ARHGEF10L: variants seen among roughly 807,000 people sequenced by gnomAD.
ARHGEF10L encodes rho guanine nucleotide exchange factor 10-like protein.
Under a neutral mutation model 141.2 loss-of-function variants are expected in ARHGEF10L, and 69 were observed. The observed-to-expected ratio is 0.49, with a 90% confidence interval of 0.40 to 0.60. The LOEUF is 0.60. Among genes scored for constraint, ARHGEF10L ranks in the 20% least tolerant of loss-of-function variants. The probability of loss-of-function intolerance (pLI) is 0.00; values close to 1 mark genes in which losing one functional copy is unlikely to be tolerated. For missense variants in ARHGEF10L, 1,482 were observed against 1,734.3 expected (o/e 0.85, Z 2.58); for synonymous variants, 711 against 718.5 (o/e 0.99, Z 0.17).
intron 26 of ARHGEF10L, among the ~76,000 whole-genome samples, chr1:17,671,788 G>C (rs1383917445): frequency 6.6e-6 from 1 of 152,234 alleles, no homozygotes; most frequent in Non-Finnish European, 1.5e-5. Flanking sequence ...GGATTAACCA[G>C]ACTGAAGCTG....
the ARHGEF10L span, among the ~76,000 whole-genome samples, chr1:17,534,146 G>A: frequency 4.6e-5 from 7 of 151,240 alleles, no homozygotes; most frequent in African/African-American, 1.7e-4. Context: ...TTTTTGAGAC[G>A]GAGTCTCACT....
intron 1 of ARHGEF10L, among the ~76,000 whole-genome samples, chr1:17,555,921 T>C (rs2077287888): frequency 6.6e-6 from 1 of 151,992 alleles, no homozygotes; most frequent in Admixed American, 6.5e-5. Context: ...CTGAGATGTC[T>C]TGGGCAGCAG....
chr1:17,601,857 A>G (rs1404323610), intron 4 of ARHGEF10L, among the ~76,000 whole-genome samples: 1 of 152,140 alleles, frequency 6.6e-6, no homozygotes. Flanking sequence ...GAGAGACGAG[A>G]CAGCCCCCTT....
chr1:17,526,803 C>G, the ARHGEF10L span, among the ~76,000 whole-genome samples: 1 of 151,864 alleles, frequency 6.6e-6, no homozygotes, highest in Non-Finnish European at 1.5e-5. Flanking sequence ...TACTTAGAGG[C>G]TGAAGCATGA....
At chr1:17,537,581 G>A (rs1223980403), upstream of ARHGEF10L, among the ~76,000 whole-genome samples, 1 of 152,180 alleles carries the variant, frequency 6.6e-6, no homozygotes, top group African/African-American at 2.4e-5. Flanking sequence ...GGGAATGGAG[G>A]AGGCCATGTG....
At chr1:17,520,724 A>T in the ARHGEF10L span, among the ~76,000 whole-genome samples, 2 of 152,172 alleles carry the variant, frequency 1.3e-5, no homozygotes, top group African/African-American at 4.8e-5. Context: ...CTGGAGTGAG[A>T]ACGGCAGAGG....
intron 25 of ARHGEF10L, among the ~76,000 whole-genome samples, chr1:17,659,039 C>CG: frequency 6.6e-6 from 1 of 152,110 alleles, no homozygotes; most frequent in Admixed American, 6.5e-5. Flanking sequence ...GGGCGTGACC[C>CG]GGGGGCAGAC....
chr1:17,648,482 G>A, intron 21 of ARHGEF10L, 72 bp from the exon 22 acceptor site: 6 of 1,579,034 alleles, frequency 3.8e-6, no homozygotes, highest in South Asian at 3.5e-5. Flanking sequence ...CCTGGGGCTT[G>A]GAGGGCTCCT....
intron 13 of ARHGEF10L, among the ~76,000 whole-genome samples, chr1:17,624,910 G>T (rs774828897): frequency 1.3e-5 from 2 of 152,170 alleles, no homozygotes; most frequent in Non-Finnish European, 2.9e-5. Flanking sequence ...CTTGGGCATT[G>T]CTTGGGAGAG....
At chr1:17,560,123 GC>G in intron 1 of ARHGEF10L, among the ~76,000 whole-genome samples, 1 of 152,308 alleles carries the variant, frequency 6.6e-6, no homozygotes, top group Non-Finnish European at 1.5e-5. Flanking sequence ...GTAAGCAGGT[GC>G]CCTCCAGGGG....
rs2102637436 is a variant in ARHGEF10L at position 17,697,537 on chromosome 1, T to A, written c.*157T>A. 1 of 1,075,418 alleles carries A rather than the reference T, an allele frequency of 9.3e-7. No individual in the cohort carries two copies. Among genetic ancestry groups the A allele is most frequent in the East Asian group, 2.6e-5 (1 of 38,242 alleles). 66.6% of individuals were successfully genotyped at this position (1,075,418 alleles called of 1,614,324 possible). A position where few individuals can be genotyped will look rare whatever the true frequency, so the allele number is the denominator to read the frequency against. ...GGAAAACCTCTTGTTTTAAAAAAATTTTTTTCAGAGTGTTTTGGGGAGGAG... is the reference window on the plus strand; with the variant it reads ...GGAAAACCTCTTGTTTTAAAAAAATATTTTTCAGAGTGTTTTGGGGAGGAG... On this transcript the variant is annotated 3_prime_UTR_variant, in exon 29 of 29. Coordinates refer to ENST00000361221, the MANE Select transcript of ARHGEF10L (RefSeq NM_018125.4). This position sits in a 1 kb window ranked among gnomAD's most constrained non-coding sequence, Gnocchi z 4.8.
intron 28 of ARHGEF10L, 92 bp from the exon 29 acceptor site, chr1:17,696,756 C>G (rs1159950668): frequency 2.2e-6 from 3 of 1,350,258 alleles, no homozygotes; most frequent in Non-Finnish European, 3.0e-6. Context: ...CCCAAATACC[C>G]ACCCAGAATG....
intron 1 of ARHGEF10L, among the ~76,000 whole-genome samples, chr1:17,553,171 G>C (rs1006623479): frequency 4.6e-5 from 7 of 152,176 alleles, no homozygotes; most frequent in Admixed American, 6.5e-5. Flanking sequence ...GGGCCTCAGA[G>C]GGGGACTGGA....
chr1:17,532,502 G>C, the ARHGEF10L span, among the ~76,000 whole-genome samples: 3 of 152,166 alleles, frequency 2.0e-5, no homozygotes, highest in Non-Finnish European at 4.4e-5. Context: ...GGCCTGCTGG[G>C]TAGAGGAGCT....
In ARHGEF10L at chr1:17,603,814, C is replaced by A. The variant is rs187171707; in HGVS notation, c.433+223C>A. Among the ~76,000 whole-genome samples the A allele has an allele frequency of 1.3e-5, 2 of 152,356 alleles. No homozygotes were observed. Among genetic ancestry groups the A allele is most frequent in the East Asian group, 3.9e-4 (2 of 5,182 alleles). On this transcript the variant is annotated intron_variant, in intron 6 of 28. Coordinates refer to ENST00000361221, the MANE Select transcript of ARHGEF10L (RefSeq NM_018125.4). The surrounding 1 kb of genome is among the most constrained non-coding windows in gnomAD (Gnocchi z 4.8). ...TGGGCATCATGGGCAGGGCCATGCT[C>A]CGGCTATGGGTCCCCGGGCAGGTAA...
Position 17,621,990 on chromosome 1 carries a change from G to A in ARHGEF10L, c.1020+49G>A, listed in dbSNP as rs2060133673. On this transcript the variant is annotated intron_variant, in intron 11 of 28. Transcript: ENST00000361221. The surrounding 1 kb of genome is among the most constrained non-coding windows in gnomAD (Gnocchi z 4.1). ...GGGTCTCTGGGGAGAAGCAGGGAGG[G>A]CCCTGGAGGGTAACTTTATACGGAG... 7 of 1,596,216 alleles carry A rather than the reference G, an allele frequency of 4.4e-6. No individual in the cohort carries two copies. The highest frequency in any genetic ancestry group is 1.1e-5 in the South Asian group (1 of 90,670).
At chr1:17,579,870 T>C (rs923612483) in intron 1 of ARHGEF10L, among the ~76,000 whole-genome samples, 3 of 152,216 alleles carry the variant, frequency 2.0e-5, no homozygotes, top group Non-Finnish European at 2.9e-5. Context: ...CTTTTGCTTA[T>C]GTGAGCTCCC....
chr1:17,547,072 G>C (rs2076944034), intron 1 of ARHGEF10L, among the ~76,000 whole-genome samples: 1 of 152,230 alleles, frequency 6.6e-6, no homozygotes, highest in Non-Finnish European at 1.5e-5. Context: ...CCCAGGGCCT[G>C]GCCCGGCTGT....
Position 17,654,624 on chromosome 1 carries a change from C to CT in ARHGEF10L, c.2395-11dup. ...ATGATTAACCTCACATGTACCGTCT[C>CT]TGTCTCTGCAGCTTGGGGCCCTGGT... On this transcript the variant is annotated splice_polypyrimidine_tract_variant and intron_variant, in intron 22 of 28. Coordinates refer to ENST00000361221, the MANE Select transcript of ARHGEF10L (RefSeq NM_018125.4). This position sits in a 1 kb window ranked among gnomAD's most constrained non-coding sequence, Gnocchi z 4.3. The CT allele has an allele frequency of 6.2e-7, 1 of 1,613,712 alleles. No individual in the cohort carries two copies. Among genetic ancestry groups the CT allele is most frequent in the Non-Finnish European group, 8.5e-7 (1 of 1,179,594 alleles).
Sources: allele counts gnomAD v4.1 joint callset (sites outside exome capture counted in the v4.1 genomes callset), GRCh38; gene constraint gnomAD v4.1.1; non-coding constraint Gnocchi (gnomAD v3.1); transcripts MANE v1.5; gene names NCBI Gene and HGNC (gene_info 2026-07-23, HGNC 2026-07-21).